CHRM3: variants seen among roughly 807,000 people sequenced by gnomAD.
CHRM3 encodes the protein cholinergic receptor muscarinic 3.
In CHRM3, 11 loss-of-function variants were observed where a neutral mutation model predicts 41.8. That is an observed-to-expected ratio of 0.26 (90% CI 0.17 to 0.44). CHRM3 has a LOEUF of 0.44. CHRM3 is among the 20% of genes least tolerant of loss of function. The pLI, the probability that CHRM3 is intolerant of heterozygous loss-of-function variation, is 1.00. For synonymous variants in CHRM3, 297 were observed against 301.4 expected, an observed-to-expected ratio of 0.99 and a Z score of 0.15; for missense variants, 571 against 745.4, an observed-to-expected ratio of 0.77 and a Z score of 2.72.
chr1:239,516,103 G>A (rs1029526639), intron 2 of CHRM3, among the ~76,000 whole-genome samples: 1 of 150,828 alleles, frequency 6.6e-6, no homozygotes, highest in Non-Finnish European at 1.5e-5. Flanking sequence ...CTTTTTTTTT[G>A]TGCTTACTTG....
chr1:239,483,798 G>A (rs910447227), intron 1 of CHRM3, among the ~76,000 whole-genome samples: 5 of 152,084 alleles, frequency 3.3e-5, no homozygotes, highest in Non-Finnish European at 5.9e-5. Context: ...TTGGCAAACC[G>A]CTCCTGTTTC....
intron 3 of CHRM3, among the ~76,000 whole-genome samples, chr1:239,590,772 CAA>C (rs1175105739): frequency 6.6e-6 from 1 of 151,672 alleles, no homozygotes; most frequent in African/African-American, 2.4e-5. Context: ...GGATCAAAAC[CAA>C]AGAGATTAAA....
chr1:239,591,866 G>A (rs1311342174), intron 3 of CHRM3, among the ~76,000 whole-genome samples: 1 of 152,172 alleles, frequency 6.6e-6, no homozygotes, highest in African/African-American at 2.4e-5. Context: ...GAAGAAGGGT[G>A]TCATTTCTAT....
At chr1:239,657,977 A>G (rs905095967) in intron 4 of CHRM3, among the ~76,000 whole-genome samples, 2 of 152,208 alleles carry the variant, frequency 1.3e-5, no homozygotes, top group African/African-American at 4.8e-5. Context: ...AAAAGTGAGA[A>G]CAATGGAATA....
chr1:239,803,446 C>T (rs1670372695), intron 5 of CHRM3, among the ~76,000 whole-genome samples: 2 of 152,130 alleles, frequency 1.3e-5, no homozygotes, highest in African/African-American at 4.8e-5. Context: ...CTTTTCAAAA[C>T]CATGAATTGG....
chr1:239,691,691 T>G (rs1192650851), intron 5 of CHRM3, among the ~76,000 whole-genome samples: 1 of 152,206 alleles, frequency 6.6e-6, no homozygotes, highest in Non-Finnish European at 1.5e-5. Flanking sequence ...AAATGAACTC[T>G]AAATGTTTTA....
intron 4 of CHRM3, among the ~76,000 whole-genome samples, chr1:239,639,138 C>T (rs951158949): frequency 2.6e-5 from 4 of 151,926 alleles, no homozygotes; most frequent in African/African-American, 9.7e-5. Flanking sequence ...TGTTTTGGTA[C>T]CAGTACCATG....
At chr1:239,544,752 A>T (rs2148407826) in intron 2 of CHRM3, among the ~76,000 whole-genome samples, 1 of 152,366 alleles carries the variant, frequency 6.6e-6, no homozygotes, top group Non-Finnish European at 1.5e-5. Flanking sequence ...AAAGACGAGT[A>T]GAATACCATG....
chr1:239,609,838 G>A (rs1285381882), intron 3 of CHRM3, among the ~76,000 whole-genome samples: 1 of 152,072 alleles, frequency 6.6e-6, no homozygotes, highest in African/African-American at 2.4e-5. Context: ...TGGGCTGTTT[G>A]TCTTGTAGAG....
chr1:239,561,663 G>T (rs1405575059), intron 3 of CHRM3, among the ~76,000 whole-genome samples: 1 of 151,582 alleles, frequency 6.6e-6, no homozygotes, highest in African/African-American at 2.4e-5. Flanking sequence ...TCAAAAGATT[G>T]TTAATATTAA....
chr1:239,817,463 G>C (rs186388162), intron 5 of CHRM3, among the ~76,000 whole-genome samples: 2 of 151,986 alleles, frequency 1.3e-5, no homozygotes, highest in Non-Finnish European at 2.9e-5. Flanking sequence ...AAATCTTTAA[G>C]ACAGAATCCA....
chr1:239,865,859 G>A (rs1251121508), intron 6 of CHRM3, among the ~76,000 whole-genome samples: 2 of 152,174 alleles, frequency 1.3e-5, no homozygotes, highest in East Asian at 3.9e-4. Context: ...AATACAGAGA[G>A]TTGGTCTGGT....
intron 3 of CHRM3, among the ~76,000 whole-genome samples, chr1:239,579,193 C>G (rs1662644502): frequency 6.6e-6 from 1 of 152,106 alleles, no homozygotes; most frequent in Non-Finnish European, 1.5e-5. Flanking sequence ...TTCTTATATT[C>G]CATATTTCCT....
chr1:239,425,771 A>G (rs1662321784), intron 1 of CHRM3, among the ~76,000 whole-genome samples: 1 of 152,112 alleles, frequency 6.6e-6, no homozygotes, highest in South Asian at 2.1e-4. Flanking sequence ...TATTATTACT[A>G]GTTTTGATAA....
intron 5 of CHRM3, among the ~76,000 whole-genome samples, chr1:239,755,583 G>A (rs1244204449): frequency 6.6e-6 from 1 of 152,048 alleles, no homozygotes; most frequent in Non-Finnish European, 1.5e-5. Context: ...GCAAGGAAAG[G>A]GTACAGAAAA....
At chr1:239,607,264 A>C (rs1302230736) in intron 3 of CHRM3, among the ~76,000 whole-genome samples, 1 of 152,206 alleles carries the variant, frequency 6.6e-6, no homozygotes, top group Non-Finnish European at 1.5e-5. Flanking sequence ...TAGTACCTGC[A>C]TAAGATTGTT....
chr1:239,637,346 T>C (rs1670567307), intron 4 of CHRM3, among the ~76,000 whole-genome samples: 1 of 152,046 alleles, frequency 6.6e-6, no homozygotes, highest in South Asian at 2.1e-4. Context: ...ATTTCCAGTA[T>C]TTCACGTTAA....
intron 2 of CHRM3, among the ~76,000 whole-genome samples, chr1:239,510,037 C>T (rs562234507): frequency 1.6e-4 from 24 of 152,158 alleles, no homozygotes; most frequent in African/African-American, 5.5e-4. Flanking sequence ...TACAGTGGGC[C>T]GAGATCATGC....
intron 5 of CHRM3, among the ~76,000 whole-genome samples, chr1:239,808,957 G>A (rs557727454): frequency 3.3e-5 from 5 of 151,116 alleles, no homozygotes; most frequent in Non-Finnish European, 7.4e-5. Context: ...AAGAAATGAA[G>A]AAGTTGGTGA....
Sources: allele counts gnomAD v4.1 joint callset (sites outside exome capture counted in the v4.1 genomes callset), GRCh38; gene constraint gnomAD v4.1.1; transcripts MANE v1.5; gene names NCBI Gene and HGNC (gene_info 2026-07-23, HGNC 2026-07-21).